The following SLC28A1 variants were observed in gnomAD, a reference collection of about 807,000 sequenced individuals.
The protein encoded by SLC28A1 is solute carrier family 28 member 1.
Under a neutral mutation model 74.8 loss-of-function variants are expected in SLC28A1, and 64 were observed. That is an observed-to-expected ratio of 0.86 (90% CI 0.70 to 1.05). SLC28A1 has a LOEUF of 1.05. Ranked by LOEUF, SLC28A1 falls within the 50% of genes least tolerant of loss-of-function variation. The pLI is 0.00. For synonymous variants in SLC28A1, 359 were observed against 335.0 expected, an observed-to-expected ratio of 1.07 and a Z score of -0.78; for missense variants, 828 against 822.8, an observed-to-expected ratio of 1.01 and a Z score of -0.08.
intron 6 of SLC28A1, chr15:84,895,751 C>T (rs1180318090): frequency 4.6e-5 from 55 of 1,187,926 alleles, no homozygotes; most frequent in South Asian, 1.7e-4. Context: ...AAAGAAAATT[C>T]GCTGGGGGAA....
the SLC28A1 span, among the ~76,000 whole-genome samples, chr15:84,960,731 C>T: frequency 6.6e-6 from 1 of 152,244 alleles, no homozygotes; most frequent in South Asian, 2.1e-4. Context: ...GTAATAGGTG[C>T]CTCCAGTTCC....
intron 6 of SLC28A1, among the ~76,000 whole-genome samples, chr15:84,900,142 C>G (rs1210720446): frequency 6.6e-6 from 1 of 151,718 alleles, no homozygotes; most frequent in East Asian, 1.9e-4. Context: ...TATGGTGAAA[C>G]CCTGTCTCTA....
chr15:84,943,541 G>T lies in SLC28A1; in HGVS notation c.1663+15G>T. On this transcript the variant is annotated intron_variant, in intron 16 of 18. Coordinates refer to ENST00000394573, the MANE Select transcript of SLC28A1 (RefSeq NM_004213.5). The stretch of plus-strand genomic sequence containing the variant: ...GGGAGGCTTGAGTGAGTCTAATCAG[G>T]GCCTCACCAGTGTCTAGGAGAGTCT... 6.3e-7 allele frequency: 1 copy of T among 1,595,988 alleles called. No individual in the cohort carries two copies. The highest frequency in any genetic ancestry group is 1.1e-5 in the South Asian group (1 of 90,744).
the SLC28A1 span, among the ~76,000 whole-genome samples, chr15:84,975,133 G>T: frequency 1.9e-4 from 29 of 152,288 alleles, no homozygotes; most frequent in East Asian, 4.8e-3. Context: ...GGTGACTTAG[G>T]TTCCATATGA....
chr15:84,953,268 C>G, the SLC28A1 span, among the ~76,000 whole-genome samples: 1 of 152,316 alleles, frequency 6.6e-6, no homozygotes, highest in East Asian at 1.9e-4. Flanking sequence ...AGTCTAATGG[C>G]TGGTATGGAA....
chr15:84,957,870 G>T, the SLC28A1 span, among the ~76,000 whole-genome samples: 2 of 152,282 alleles, frequency 1.3e-5, no homozygotes, highest in East Asian at 3.9e-4. Flanking sequence ...CTGAGATTTT[G>T]ATAGAGATTG....
the SLC28A1 span, chr15:84,975,420 T>G: frequency 2.2e-6 from 1 of 453,454 alleles, no homozygotes; most frequent in East Asian, 7.0e-5. Flanking sequence ...TCGACAACAT[T>G]AGATAATAGC....
intron 4 of SLC28A1, among the ~76,000 whole-genome samples, chr15:84,889,718 TTCCTTCCTTCC>T: frequency 2.3e-5 from 1 of 42,644 alleles, no homozygotes; most frequent in Admixed American, 2.1e-4. Context: ...CTTTCCTTCC[TTCCTTCCTTCC>T]TTCCTTCCTT....
intron 15 of SLC28A1, among the ~76,000 whole-genome samples, chr15:84,936,117 G>A (rs1282045413): frequency 1.3e-5 from 2 of 150,968 alleles, no homozygotes; most frequent in Admixed American, 1.3e-4. Flanking sequence ...CACCGCGCCC[G>A]GCTAATTTTT....
At chr15:84,936,787 T>C (rs1056223873) in intron 15 of SLC28A1, among the ~76,000 whole-genome samples, 7 of 152,202 alleles carry the variant, frequency 4.6e-5, no homozygotes, top group African/African-American at 1.7e-4. Flanking sequence ...GTGCAATGGC[T>C]CATGCCTGTA....
rs1201730676 is a variant in SLC28A1, at chr15:84,936,791, GC to G, written c.1581+1275del. 6.6e-5 allele frequency among the ~76,000 whole-genome samples: 10 copies of G among 152,218 alleles called. No individual in the cohort carries two copies. In the South Asian group the frequency reaches 1.5e-3, roughly 22 times the overall value. ...GTTTAGGTCAGGTGCAATGGCTCATGCCTGTATTCCCAGCACTTTGGGAGGT... is the reference window on the plus strand; with the variant it reads ...GTTTAGGTCAGGTGCAATGGCTCATGCTGTATTCCCAGCACTTTGGGAGGT... On this transcript the variant is annotated intron_variant, in intron 15 of 18. Transcript: ENST00000394573.
Position 84,944,606 on chromosome 15 carries a change from A to C in SLC28A1, c.1704A>C (p.Ile568=). 1 of 1,614,022 alleles carries C rather than the reference A, an allele frequency of 6.2e-7. No homozygotes were observed. The highest frequency in any genetic ancestry group is 8.5e-7 in the Non-Finnish European group (1 of 1,179,898). ...AACGGAAGAGCGACTTCTCCCAGAT[A>C]GTGCTCCGGGCGCTCTTCACGGGAG... The part of the protein sequence containing the change: ...VPQRKSDFSQ[I]VLRALFTGAC... The change falls in exon 17 of 19, where the codon ATA becomes ATC. Residue 568 remains isoleucine, a synonymous_variant. Transcript: ENST00000394573.
At chr15:84,921,929 G>C (rs902528021) in intron 11 of SLC28A1, among the ~76,000 whole-genome samples, 1 of 152,234 alleles carries the variant, frequency 6.6e-6, no homozygotes, top group Non-Finnish European at 1.5e-5. Context: ...TGTTCCATGT[G>C]TTTTGCTGGG....
chr15:84,884,686 C>A lies in SLC28A1; in HGVS notation c.-198C>A, dbSNP rs566114875. 1 of 984,798 alleles carries A rather than the reference C, an allele frequency of 1.0e-6. No homozygotes were observed. Among genetic ancestry groups the A allele is most frequent in the African/African-American group, 1.7e-5 (1 of 57,334 alleles). 61.0% of individuals were successfully genotyped at this position (984,798 alleles called of 1,614,324 possible). A position where few individuals can be genotyped will look rare whatever the true frequency, so the allele number is the denominator to read the frequency against. ...ACAACGATGTGAAGGTTATAAGCTG[C>A]ACTGCATGGTTGCTGCTGGATGTGT... On this transcript the variant is annotated 5_prime_UTR_variant, in exon 1 of 19. Transcript: ENST00000394573.
chr15:84,935,249 G>T, intron 14 of SLC28A1, 55 bp downstream of exon 14: 1 of 1,612,522 alleles, frequency 6.2e-7, no homozygotes, highest in Non-Finnish European at 8.5e-7. Flanking sequence ...CAGGTGGGTG[G>T]TGAGTGGTGG....
At chr15:84,892,530 A>T (rs1965475848) in intron 5 of SLC28A1, among the ~76,000 whole-genome samples, 1 of 152,180 alleles carries the variant, frequency 6.6e-6, no homozygotes, top group African/African-American at 2.4e-5. Flanking sequence ...CACTCATCCT[A>T]TTTCCATGTT....
intron 9 of SLC28A1, among the ~76,000 whole-genome samples, chr15:84,917,289 C>A (rs1969247955): frequency 1.3e-5 from 2 of 152,130 alleles, no homozygotes; most frequent in Admixed American, 1.3e-4. Context: ...CATTCCAACA[C>A]AAAAGGGTAT....
the SLC28A1 span, among the ~76,000 whole-genome samples, chr15:84,960,247 TTTTTTTTTTTTTTTTTTTTTTTTTTTG>T: frequency 8.4e-5 from 2 of 23,850 alleles, no homozygotes; most frequent in African/African-American, 1.4e-4. Context: ...TTTTTTTTTT[TTTTTTTTTTTTTTTTTTTTTTTTTTTG>T]AGACAAGGTC....
chr15:84,944,096 T>A (rs1396138901), intron 16 of SLC28A1, among the ~76,000 whole-genome samples: 1 of 152,134 alleles, frequency 6.6e-6, no homozygotes, highest in Admixed American at 6.5e-5. Context: ...ACACCCACAG[T>A]GGACAGGCAG....
Sources: allele counts gnomAD v4.1 joint callset (sites outside exome capture counted in the v4.1 genomes callset), GRCh38; gene constraint gnomAD v4.1.1; transcripts MANE v1.5; gene names NCBI Gene and HGNC (gene_info 2026-07-23, HGNC 2026-07-21).